GFRAL: variants seen among roughly 807,000 people sequenced by gnomAD.
GFRAL encodes GDNF family receptor alpha like.
Under a neutral mutation model 45.4 loss-of-function variants are expected in GFRAL, and 36 were observed. The ratio of observed to expected loss-of-function variants is 0.79; its 90% CI spans 0.61 to 1.05. The LOEUF is 1.05. Ranked by LOEUF, GFRAL falls within the 50% of genes least tolerant of loss-of-function variation. GFRAL has a pLI of 0.00. For synonymous variants in GFRAL, 166 were observed against 154.1 expected (o/e 1.08, Z -0.57); for missense variants, 507 against 467.5 (o/e 1.08, Z -0.78).
chr6:55,376,230 A>AT (rs1289581530), intron 6 of GFRAL, among the ~76,000 whole-genome samples: 4 of 151,846 alleles, frequency 2.6e-5, no homozygotes, highest in Middle Eastern at 3.4e-3. Context: ...GGTGGATAAG[A>AT]TTTTTTTTGT....
chr6:55,352,271 A>C (rs1167975781), intron 5 of GFRAL, among the ~76,000 whole-genome samples: 1 of 148,142 alleles, frequency 6.8e-6, no homozygotes, highest in Non-Finnish European at 1.5e-5. Context: ...TAATATACTT[A>C]ATATATAAGG....
At chr6:55,354,175 G>A (rs1268728493) in intron 5 of GFRAL, among the ~76,000 whole-genome samples, 2 of 151,990 alleles carry the variant, frequency 1.3e-5, no homozygotes, top group Admixed American at 1.3e-4. Context: ...TATTTTAATA[G>A]CAAGTGGTGG....
At chr6:55,369,314 G>A (rs561021315) in intron 6 of GFRAL, among the ~76,000 whole-genome samples, 40 of 152,272 alleles carry the variant, frequency 2.6e-4, no homozygotes, top group African/African-American at 8.2e-4. Flanking sequence ...CGCAAGGTGC[G>A]CGCACCCACT....
At chr6:55,354,184 G>A (rs1768156423) in intron 5 of GFRAL, among the ~76,000 whole-genome samples, 1 of 151,974 alleles carries the variant, frequency 6.6e-6, no homozygotes, top group South Asian at 2.1e-4. Flanking sequence ...AGCAAGTGGT[G>A]GCTCTGCTGC....
intron 6 of GFRAL, among the ~76,000 whole-genome samples, chr6:55,383,985 T>C (rs1400824782): frequency 3.9e-5 from 6 of 152,006 alleles, no homozygotes; most frequent in African/African-American, 1.4e-4. Flanking sequence ...CAACACTAGT[T>C]CCTTTGAGAT....
Position 55,327,562 on chromosome 6 carries a change from T to G in GFRAL, c.8T>G (p.Val3Gly). Residue 3 changes from valine to glycine, a missense_variant, in exon 1 of 9, where the codon GTG becomes GGG. By Grantham distance (109) the Val-to-Gly change is moderately radical. Coordinates refer to ENST00000340465, the MANE Select transcript of GFRAL (RefSeq NM_207410.2). MI[V>G]FIFLAMGLSL... ...TGCCGTGAGTTGTCCAGCATGATAG[T>G]GTTTATTTTCTTGGGTAAGTGAATG... 1 of 1,612,968 alleles carries G rather than the reference T, an allele frequency of 6.2e-7. No individual in the cohort carries two copies. Among genetic ancestry groups the G allele is most frequent in the Non-Finnish European group, 8.5e-7 (1 of 1,179,182 alleles).
intron 5 of GFRAL, among the ~76,000 whole-genome samples, chr6:55,358,301 T>TA (rs1007759168): frequency 6.6e-6 from 1 of 152,062 alleles, no homozygotes; most frequent in Non-Finnish European, 1.5e-5. Context: ...ATTCTTATTG[T>TA]AAAAAAATTC....
intron 6 of GFRAL, among the ~76,000 whole-genome samples, chr6:55,383,495 G>A (rs534512598): frequency 1.3e-5 from 2 of 151,896 alleles, no homozygotes; most frequent in African/African-American, 2.4e-5. Context: ...ATACCATTGT[G>A]TTACACGTTG....
intron 1 of GFRAL, 123 bp downstream of exon 1, chr6:55,327,699 T>C (rs1269603982): frequency 1.6e-5 from 14 of 867,550 alleles, no homozygotes; most frequent in Non-Finnish European, 2.5e-5. Flanking sequence ...AAATTACAAA[T>C]TTATGCTTTA....
chr6:55,332,093 C>T (rs1306112771), intron 2 of GFRAL, among the ~76,000 whole-genome samples: 1 of 152,020 alleles, frequency 6.6e-6, no homozygotes, highest in Non-Finnish European at 1.5e-5. Flanking sequence ...ATTTTCTTAC[C>T]TCTCTCACCA....
At chr6:55,345,347 T>C (rs991954788) in intron 3 of GFRAL, among the ~76,000 whole-genome samples, 9 of 152,042 alleles carry the variant, frequency 5.9e-5, no homozygotes, top group African/African-American at 2.2e-4. Context: ...AAAACAGAGA[T>C]ATAGACTAAT....
intron 3 of GFRAL, among the ~76,000 whole-genome samples, chr6:55,342,422 C>T (rs1406060990): frequency 1.3e-5 from 2 of 152,000 alleles, no homozygotes; most frequent in Non-Finnish European, 2.9e-5. Context: ...TCCAGCCAAA[C>T]TAAGCTTCAT....
chr6:55,395,169 A>AT (rs1199657472), intron 6 of GFRAL, among the ~76,000 whole-genome samples: 2 of 94,326 alleles, frequency 2.1e-5, no homozygotes, highest in Admixed American at 9.4e-5. Flanking sequence ...ATGGAAAAAA[A>AT]AAAAAAATAT....
intron 6 of GFRAL, among the ~76,000 whole-genome samples, chr6:55,385,628 C>T (rs993720241): frequency 6.6e-6 from 1 of 152,070 alleles, no homozygotes; most frequent in Non-Finnish European, 1.5e-5. Flanking sequence ...TGATTTTATT[C>T]ACCATAATAT....
chr6:55,385,995 C>T (rs1168325089), intron 6 of GFRAL, among the ~76,000 whole-genome samples: 1 of 152,072 alleles, frequency 6.6e-6, no homozygotes, highest in African/African-American at 2.4e-5. Flanking sequence ...GTGTATGTGG[C>T]CCCCTCTGGA....
chr6:55,361,511 G>T (rs1479153177), intron 6 of GFRAL, among the ~76,000 whole-genome samples: 1 of 151,308 alleles, frequency 6.6e-6, no homozygotes, highest in Non-Finnish European at 1.5e-5. Flanking sequence ...TTATCATTTT[G>T]CTGTTTTTTT....
intron 3 of GFRAL, among the ~76,000 whole-genome samples, chr6:55,338,052 C>T (rs957288450): frequency 1.3e-5 from 2 of 151,940 alleles, no homozygotes; most frequent in Non-Finnish European, 2.9e-5. Flanking sequence ...ATATTTTCTC[C>T]TTTTCTTTGT....
At chr6:55,373,222 T>C (rs1768476446) in intron 6 of GFRAL, among the ~76,000 whole-genome samples, 1 of 152,100 alleles carries the variant, frequency 6.6e-6, no homozygotes, top group Non-Finnish European at 1.5e-5. Context: ...GAATCAGATA[T>C]CTGTGAAGAA....
At chr6:55,346,154 C>G (rs536893264) in intron 3 of GFRAL, among the ~76,000 whole-genome samples, 2 of 152,128 alleles carry the variant, frequency 1.3e-5, no homozygotes, top group East Asian at 3.9e-4. Context: ...GGATCTAGAA[C>G]TAGAAATACC....
Sources: allele counts gnomAD v4.1 joint callset (sites outside exome capture counted in the v4.1 genomes callset), GRCh38; gene constraint gnomAD v4.1.1; transcripts MANE v1.5; gene names NCBI Gene and HGNC (gene_info 2026-07-23, HGNC 2026-07-21).